Variants in PDE4D observed in about 807,000 individuals in gnomAD.
PDE4D encodes the protein 3',5'-cyclic-AMP phosphodiesterase 4D.
Under a neutral mutation model 87.4 loss-of-function variants are expected in PDE4D, and 24 were observed. The observed-to-expected ratio is 0.27, with a 90% CI of 0.20 to 0.39. PDE4D has a LOEUF of 0.39. Ranked by LOEUF, PDE4D falls within the 10% of genes least tolerant of loss-of-function variation. The pLI is 1.00. For synonymous variants in PDE4D, 384 were observed against 383.2 expected, an observed-to-expected ratio of 1.00 and a Z score of -0.02; for missense variants, 714 against 1,041.0, an observed-to-expected ratio of 0.69 and a Z score of 4.32.
chr5:59,505,845 AT>A (rs1022701403), intron 1 of PDE4D, among the ~76,000 whole-genome samples: 13 of 151,332 alleles, frequency 8.6e-5, no homozygotes, highest in East Asian at 7.7e-4. Context: ...AAAGAAGCAC[AT>A]TTTTTTTTCT....
chr5:60,343,498 A>C lies in PDE4D; in HGVS notation c.-90+144444T>G, dbSNP rs1758486799. Reference sequence around the variant, plus strand: ...TAATGGTAGTGTCTATTAAGCACATATCTTCCAGGCACTGTTCTAAATGCT... The same window carrying C: ...TAATGGTAGTGTCTATTAAGCACATCTCTTCCAGGCACTGTTCTAAATGCT... On this transcript the variant is annotated intron_variant, in intron 1 of 16. Coordinates refer to the PDE4D transcript ENST00000502484. Among the ~76,000 whole-genome samples, 3 of 152,228 alleles carry C rather than the reference A, an allele frequency of 2.0e-5. No individual in the cohort carries two copies. The South Asian group carries it at 6.2e-4, about 31-fold the overall frequency.
Position 60,045,745 on chromosome 5 carries a change from A to T in PDE4D, c.43-57028T>A, listed in dbSNP as rs182349169. Among the ~76,000 whole-genome samples the T allele has an allele frequency of 3.9e-5, 6 of 152,342 alleles. No individual in the cohort carries two copies. The East Asian group carries it at 1.2e-3, about 29-fold the overall frequency. On this transcript the variant is annotated intron_variant, in intron 2 of 16. Transcript: ENST00000502484. ...ATATGTCTGTTTTGGTACCAGTACCATGCTGTTTTCATTACTGTAGCCTTG... is the reference window on the plus strand; with the variant it reads ...ATATGTCTGTTTTGGTACCAGTACCTTGCTGTTTTCATTACTGTAGCCTTG...
chr5:59,886,021 G>T (rs1015428777), intron 1 of PDE4D, among the ~76,000 whole-genome samples: 1 of 152,076 alleles, frequency 6.6e-6, no homozygotes, highest in East Asian at 1.9e-4. Flanking sequence ...GTTTCAAAGA[G>T]ATTATTAAGA....
chr5:59,470,803 CAA>C (rs1320312128), intron 1 of PDE4D, among the ~76,000 whole-genome samples: 1 of 152,070 alleles, frequency 6.6e-6, no homozygotes, highest in Non-Finnish European at 1.5e-5. Flanking sequence ...GAAAAGTTCA[CAA>C]ATTTAATTCT....
intron 1 of PDE4D, among the ~76,000 whole-genome samples, chr5:59,230,260 A>T (rs1754871204): frequency 6.6e-6 from 1 of 151,062 alleles, no homozygotes; most frequent in South Asian, 2.1e-4. Context: ...GCACGTGTTT[A>T]TTTTTCCCAG....
chr5:59,877,943 A>C (rs159609), intron 1 of PDE4D, among the ~76,000 whole-genome samples: 101,589 of 152,008 alleles, frequency 0.67, 35,464 homozygotes, highest in African/African-American at 0.87. Flanking sequence ...CCGACACACA[A>C]ACATCCACAC....
chr5:60,473,625 C>T (rs1583876156), intron 1 of PDE4D, among the ~76,000 whole-genome samples: 1 of 151,852 alleles, frequency 6.6e-6, no homozygotes, highest in African/African-American at 2.4e-5. Flanking sequence ...ATCTTGCTGC[C>T]CTGGCACACA....
intron 1 of PDE4D, among the ~76,000 whole-genome samples, chr5:59,750,945 CAAAAAAAAAAA>C (rs34787047): frequency 1.5e-5 from 1 of 68,762 alleles, no homozygotes; most frequent in Non-Finnish European, 2.8e-5. Flanking sequence ...GACCCTGTCT[CAAAAAAAAAAA>C]AAAAAAAAAA....
At chr5:59,915,822 A>G (rs1753977758) in intron 3 of PDE4D, among the ~76,000 whole-genome samples, 1 of 152,188 alleles carries the variant, frequency 6.6e-6, no homozygotes, top group Non-Finnish European at 1.5e-5. Flanking sequence ...CTTTTTGGTG[A>G]CATAAATTAT....
intron 3 of PDE4D, among the ~76,000 whole-genome samples, chr5:59,187,021 T>C (rs966655724): frequency 9.8e-5 from 15 of 152,360 alleles, no homozygotes; most frequent in South Asian, 2.1e-4. Context: ...CACCAGCTAA[T>C]TGATCCCCTT....
chr5:59,140,853 C>G (rs988864571), intron 5 of PDE4D, among the ~76,000 whole-genome samples: 1 of 151,596 alleles, frequency 6.6e-6, no homozygotes, highest in Non-Finnish European at 1.5e-5. Flanking sequence ...AATGTTACAT[C>G]TTAGGGCCAA....
At chr5:60,030,217 G>A (rs1329752248) in intron 2 of PDE4D, among the ~76,000 whole-genome samples, 6 of 152,240 alleles carry the variant, frequency 3.9e-5, no homozygotes, top group African/African-American at 9.6e-5. Context: ...TTGGGAGGCC[G>A]AGGCGGGTGG....
At chr5:59,199,878 CTA>C (rs1390388987) in intron 2 of PDE4D, among the ~76,000 whole-genome samples, 1 of 151,432 alleles carries the variant, frequency 6.6e-6, no homozygotes, top group Admixed American at 6.6e-5. Context: ...ATACATACAT[CTA>C]TATACACATG....
At chr5:60,223,640 A>G (rs1744756430) in intron 1 of PDE4D, among the ~76,000 whole-genome samples, 1 of 152,092 alleles carries the variant, frequency 6.6e-6, no homozygotes, top group Non-Finnish European at 1.5e-5. Flanking sequence ...CCGAAAAACC[A>G]TTCCCACTGT....
intron 2 of PDE4D, among the ~76,000 whole-genome samples, chr5:60,007,395 C>T (rs183481736): frequency 6.6e-5 from 10 of 151,948 alleles, no homozygotes; most frequent in South Asian, 2.1e-4. Context: ...TGACACAAAA[C>T]GATTGAAAAT....
At chr5:60,290,945 G>T (rs533765162) in intron 1 of PDE4D, among the ~76,000 whole-genome samples, 1 of 152,262 alleles carries the variant, frequency 6.6e-6, no homozygotes, top group South Asian at 2.1e-4. Flanking sequence ...AATACAAATA[G>T]ACAAATAGTA....
intron 1 of PDE4D, among the ~76,000 whole-genome samples, chr5:59,304,699 T>C (rs1482061539): frequency 6.6e-6 from 1 of 152,194 alleles, no homozygotes; most frequent in Non-Finnish European, 1.5e-5. Flanking sequence ...GTATCACATT[T>C]ATTGACTTGT....
At chr5:60,215,604 C>A (rs1743770766) in intron 1 of PDE4D, among the ~76,000 whole-genome samples, 1 of 151,984 alleles carries the variant, frequency 6.6e-6, no homozygotes. Flanking sequence ...GTATAAAGGA[C>A]TTATTCATGT....
intron 1 of PDE4D, among the ~76,000 whole-genome samples, chr5:60,504,324 G>C (rs1401811881): frequency 6.7e-6 from 1 of 150,184 alleles, no homozygotes; most frequent in Non-Finnish European, 1.5e-5. Flanking sequence ...TGCTTCTCTA[G>C]TTCTTTTAAG....
Sources: allele counts gnomAD v4.1 joint callset (sites outside exome capture counted in the v4.1 genomes callset), GRCh38; gene constraint gnomAD v4.1.1; transcripts MANE v1.5; gene names NCBI Gene and HGNC (gene_info 2026-07-23, HGNC 2026-07-21).